Variants in OTOGL observed in about 807,000 individuals in gnomAD.
The protein encoded by OTOGL is otogelin-like protein.
Under a neutral mutation model 318.5 loss-of-function variants are expected in OTOGL, and 285 were observed. That is an observed-to-expected ratio of 0.89 (90% CI 0.81 to 0.99). OTOGL has a LOEUF of 0.99. OTOGL is among the 50% of genes least tolerant of loss of function. OTOGL has a pLI of 0.00. For synonymous variants in OTOGL, 987 were observed against 936.5 expected (o/e 1.05, Z -0.99); for missense variants, 2,899 against 2,845.6 (o/e 1.02, Z -0.43).
intron 14 of OTOGL, 78 bp from the exon 15 acceptor site, chr12:80,254,446 C>T: frequency 8.8e-7 from 1 of 1,138,840 alleles, no homozygotes; most frequent in East Asian, 2.5e-5. Context: ...TATTTTGGTC[C>T]ATTAATCAAT....
intron 7 of OTOGL, 99 bp downstream of exon 7, chr12:80,222,344 A>G (rs1256032576): frequency 3.4e-6 from 4 of 1,159,428 alleles, no homozygotes; most frequent in South Asian, 1.8e-5. Flanking sequence ...TATACTAATA[A>G]TAGAATGAAT....
chr12:80,284,937 C>T (rs969298645), intron 26 of OTOGL, among the ~76,000 whole-genome samples: 2 of 152,024 alleles, frequency 1.3e-5, no homozygotes, highest in African/African-American at 4.8e-5. Context: ...GTGTTTTAGT[C>T]ATGAAGGCTT....
chr12:80,162,270 C>T (rs1044554331), intron 1 of OTOGL, among the ~76,000 whole-genome samples: 6 of 152,138 alleles, frequency 3.9e-5, no homozygotes, highest in Non-Finnish European at 7.4e-5. Flanking sequence ...CAAGTACCAT[C>T]GAAATTGCAG....
chr12:80,106,876 T>A (rs1193950436), intron 1 of OTOGL, among the ~76,000 whole-genome samples: 2 of 152,086 alleles, frequency 1.3e-5, no homozygotes, highest in African/African-American at 4.8e-5. Context: ...TCTTTTTTTT[T>A]TAAATTAGTA....
chr12:80,250,117 C>G (rs1229831763), intron 11 of OTOGL, among the ~76,000 whole-genome samples: 1 of 152,168 alleles, frequency 6.6e-6, no homozygotes, highest in African/African-American at 2.4e-5. Context: ...GCAGAAATCA[C>G]CTGTCTTCTG....
intron 1 of OTOGL, among the ~76,000 whole-genome samples, chr12:80,170,844 G>GT (rs771540609): frequency 3.3e-5 from 5 of 152,090 alleles, no homozygotes; most frequent in Non-Finnish European, 5.9e-5. Flanking sequence ...TCTGAACAGT[G>GT]TTTTTTATAG....
At position 80,173,670 on chromosome 12, in the gene OTOGL, A is replaced by G. The variant is rs535667327; in HGVS notation, c.-19-35743A>G. Among the ~76,000 whole-genome samples the G allele has an allele frequency of 3.9e-5, 6 of 152,310 alleles. No individual in the cohort carries two copies. The East Asian group carries it at 7.7e-4, about 20-fold the overall frequency. Reference sequence around the variant, plus strand: ...CCTGACCTCCTGGGAATGCAGCCCAATAGGTCTCAGCCTTATTTTTCCCAG... The same window carrying G: ...CCTGACCTCCTGGGAATGCAGCCCAGTAGGTCTCAGCCTTATTTTTCCCAG... On this transcript the variant is annotated intron_variant, in intron 1 of 58. Coordinates refer to ENST00000547103, the MANE Select transcript of OTOGL (RefSeq NM_001378609.3).
At chr12:80,227,779 C>T (rs1229386214) in intron 7 of OTOGL, among the ~76,000 whole-genome samples, 1 of 152,088 alleles carries the variant, frequency 6.6e-6, no homozygotes, top group Non-Finnish European at 1.5e-5. Context: ...TTCCAGATAT[C>T]CCATATGGCT....
chr12:80,310,193 T>A (rs1412004141), intron 29 of OTOGL, among the ~76,000 whole-genome samples: 1 of 152,054 alleles, frequency 6.6e-6, no homozygotes, highest in Non-Finnish European at 1.5e-5. Flanking sequence ...GGGAAGGGTA[T>A]TAGGGGAGGA....
intron 57 of OTOGL, among the ~76,000 whole-genome samples, chr12:80,374,520 A>G (rs1002732315): frequency 3.9e-5 from 6 of 152,208 alleles, no homozygotes; most frequent in Non-Finnish European, 8.8e-5. Context: ...TTCATTAGAA[A>G]TAAGCACGTT....
intron 4 of OTOGL, among the ~76,000 whole-genome samples, chr12:80,213,137 G>A (rs1316492138): frequency 2.6e-5 from 4 of 152,196 alleles, no homozygotes; most frequent in Non-Finnish European, 1.5e-5. Context: ...CTAAACAAGA[G>A]GTGAATTATT....
chr12:80,154,178 T>G (rs1363687785), intron 1 of OTOGL, among the ~76,000 whole-genome samples: 5 of 151,970 alleles, frequency 3.3e-5, no homozygotes, highest in Non-Finnish European at 7.4e-5. Context: ...GCATGGTGGC[T>G]CACGCCTGTA....
intron 32 of OTOGL, among the ~76,000 whole-genome samples, chr12:80,318,110 T>G (rs1204382520): frequency 1.3e-5 from 2 of 152,046 alleles, no homozygotes; most frequent in African/African-American, 4.8e-5. Flanking sequence ...GGAAGACTTC[T>G]TATCCCTCCA....
At chr12:80,271,552 AGGTT>A in intron 23 of OTOGL, 92 bp from the exon 24 acceptor site, 1 of 1,184,816 alleles carries the variant, frequency 8.4e-7, no homozygotes, top group South Asian at 1.8e-5. Flanking sequence ...AACTCAAAAT[AGGTT>A]TAGAATAAAC....
rs980182377 is a variant in OTOGL at position 80,358,959 on chromosome 12, TTATC to T, written c.6267+61_6267+64del. ...TTATTTAAATCTGTTTATTCTTCCT[TTATC>T]TCTCTCATTTCTAAATTCTTCTTAG... On this transcript the variant is annotated intron_variant, in intron 52 of 58. Transcript: ENST00000547103. 3.1e-6 allele frequency: 4 copies of T among 1,294,706 alleles called. No homozygotes were observed. The African/African-American group carries it at 6.0e-5, about 19-fold the overall frequency. 80.2% of individuals were successfully genotyped at this position (1,294,706 alleles called of 1,614,324 possible).
chr12:80,320,458 C>A lies in OTOGL; in HGVS notation c.3839C>A (p.Pro1280Gln), dbSNP rs1320968916. The A allele has an allele frequency of 1.7e-5, 27 of 1,613,286 alleles. No homozygotes were observed. The highest frequency in any genetic ancestry group is 2.2e-5 in the Non-Finnish European group (26 of 1,179,502). The change falls in exon 34 of 59, where the codon CCA (proline) becomes CAA (glutamine). Residue 1280 changes from proline to glutamine, a missense_variant. Physicochemically the swap from Pro to Gln is moderately conservative, Grantham distance 76. Coordinates refer to ENST00000547103, the MANE Select transcript of OTOGL (RefSeq NM_001378609.3). ...ALVSLESAERPNYFLYVHDND... is the reference protein window; with the variant it reads ...ALVSLESAERQNYFLYVHDND... The stretch of plus-strand genomic sequence containing the variant: ...GTTTCCTTGGAATCTGCTGAAAGGC[C>A]AAACTACTTTCTCTATGTCCATGAC...
intron 1 of OTOGL, among the ~76,000 whole-genome samples, chr12:80,172,348 T>C (rs956820314): frequency 2.6e-5 from 4 of 152,218 alleles, no homozygotes; most frequent in African/African-American, 9.6e-5. Context: ...ATTCCTTCTA[T>C]TGTTCCAGCT....
intron 28 of OTOGL, among the ~76,000 whole-genome samples, chr12:80,305,216 G>T (rs1886028724): frequency 6.6e-6 from 1 of 152,062 alleles, no homozygotes; most frequent in South Asian, 2.1e-4. Context: ...ATATACACAT[G>T]AATTCTGTGT....
intron 11 of OTOGL, among the ~76,000 whole-genome samples, chr12:80,249,156 C>T (rs1483516343): frequency 6.8e-6 from 1 of 147,906 alleles, no homozygotes; most frequent in African/African-American, 2.6e-5. Context: ...AAGCCTTCTT[C>T]TCTCAGCTCG....
Sources: gnomAD v4.1 joint callset for allele counts (sites outside exome capture counted in the v4.1 genomes callset) on GRCh38, gnomAD v4.1.1 for gene constraint, MANE v1.5 for transcripts, NCBI Gene and HGNC (gene_info 2026-07-23, HGNC 2026-07-21) for gene names.